Variants in ZNF782 observed in about 807,000 individuals in gnomAD.
ZNF782 encodes the protein zinc finger protein 782.
In ZNF782, 12 loss-of-function variants were observed where a neutral mutation model predicts 13.0. That is an observed-to-expected ratio of 0.92 (90% CI 0.59 to 1.50). The LOEUF is 1.50. Among genes scored for constraint, ZNF782 ranks in the 40% most tolerant of loss-of-function variants. The pLI, the probability that ZNF782 is intolerant of heterozygous loss-of-function variation, is 0.00. For synonymous variants in ZNF782, 284 were observed against 283.0 expected (o/e 1.00, Z -0.04); for missense variants, 770 against 822.9 (o/e 0.94, Z 0.79).
intron 1 of ZNF782, among the ~76,000 whole-genome samples, chr9:96,853,671 CTGAG>C (rs1369550579): frequency 6.6e-6 from 1 of 152,204 alleles, no homozygotes; most frequent in East Asian, 1.9e-4. Flanking sequence ...CATCCACTCC[CTGAG>C]TATTTGGGGA....
chr9:96,902,421 C>CAA, the ZNF782 span, among the ~76,000 whole-genome samples: 259 of 69,848 alleles, frequency 3.7e-3, 12 homozygotes, highest in East Asian at 0.044. Flanking sequence ...ATCTCCATCT[C>CAA]AAAAAAAAAA....
the ZNF782 span, among the ~76,000 whole-genome samples, chr9:96,925,845 G>A: frequency 6.7e-6 from 1 of 148,796 alleles, no homozygotes; most frequent in Non-Finnish European, 1.5e-5. Flanking sequence ...GCATGGAGCC[G>A]CCATTCCTCT....
At chr9:96,931,676 G>C in the ZNF782 span, 1 of 1,607,396 alleles carries the variant, frequency 6.2e-7, no homozygotes, top group Non-Finnish European at 8.5e-7. Context: ...GACTAGAGTG[G>C]ACCTGGAGAC....
At chr9:96,920,559 C>T in the ZNF782 span, among the ~76,000 whole-genome samples, 1 of 149,022 alleles carries the variant, frequency 6.7e-6, no homozygotes, top group African/African-American at 2.4e-5. Flanking sequence ...AGCCACCGCG[C>T]CCAGCCCAAA....
rs767408699 is a variant in ZNF782 at position 96,865,054 on chromosome 9, T to TA, written c.-456-3452dup. On this transcript the variant is annotated intron_variant, in intron 1 of 5. Coordinates refer to the ZNF782 transcript ENST00000498811. Reference sequence around the variant, plus strand: ...GAGCAAGACCCTGTCTCTTAAAATTTAAAAAAAAAATGAGAAAACACCTTT... The same window carrying TA: ...GAGCAAGACCCTGTCTCTTAAAATTTAAAAAAAAAAATGAGAAAACACCTTT... Among the ~76,000 whole-genome samples the TA allele has an allele frequency of 5.9e-4, 88 of 149,220 alleles. 1 individual carries two copies. The highest frequency in any genetic ancestry group is 3.5e-3 in the Middle Eastern group (1 of 288).
intron 1 of ZNF782, among the ~76,000 whole-genome samples, chr9:96,862,232 G>C (rs1588174663): frequency 6.6e-6 from 1 of 152,164 alleles, no homozygotes; most frequent in African/African-American, 2.4e-5. Flanking sequence ...GGTAGTATGG[G>C]GGATGGGGGG....
At chr9:96,933,662 G>C in the ZNF782 span, 1 of 152,392 alleles carries the variant, frequency 6.6e-6, no homozygotes, top group East Asian at 1.9e-4. Flanking sequence ...GTGAGCCACC[G>C]CACCCACCCT....
At position 96,850,731 on chromosome 9, in the gene ZNF782, T is replaced by G. The variant is rs1426827575; in HGVS notation, c.15+1216A>C. Reference sequence around the variant, plus strand: ...TTTATTATGATTATTTTAGTCTTGCTCTTTCATTTTAGTTAAGGCCTGTCT... The same window carrying G: ...TTTATTATGATTATTTTAGTCTTGCGCTTTCATTTTAGTTAAGGCCTGTCT... On this transcript the variant is annotated intron_variant, in intron 3 of 5. Coordinates refer to ENST00000481138, the MANE Select transcript of ZNF782 (RefSeq NM_001001662.3). The surrounding 1 kb of genome is among the most constrained non-coding windows in gnomAD (Gnocchi z 4.3). Among the ~76,000 whole-genome samples the G allele has an allele frequency of 1.3e-5, 2 of 152,228 alleles. No individual in the cohort carries two copies. Among genetic ancestry groups the G allele is most frequent in the Non-Finnish European group, 2.9e-5 (2 of 68,040 alleles).
At chr9:96,864,222 A>C (rs1851734000) in intron 1 of ZNF782, among the ~76,000 whole-genome samples, 1 of 151,396 alleles carries the variant, frequency 6.6e-6, no homozygotes. Context: ...AGCCATTTAA[A>C]AAACAACAAA....
chr9:96,880,376 C>A (rs75785837), upstream of ZNF782, among the ~76,000 whole-genome samples: 1,371 of 152,326 alleles, frequency 9.0e-3, 26 homozygotes, highest in African/African-American at 0.031. Flanking sequence ...AGGGGAAAAG[C>A]ATTGAGACTT....
chr9:96,864,996 G>A lies in ZNF782; in HGVS notation c.-456-3393C>T, dbSNP rs760099688. Among the ~76,000 whole-genome samples, 163 of 151,922 alleles carry A rather than the reference G, an allele frequency of 1.1e-3. 1 individual carries two copies. The highest frequency in any genetic ancestry group is 2.2e-3 in the Non-Finnish European group (152 of 67,976). Reference sequence around the variant, plus strand: ...GGGAGTTTGAGTCTGCTGTGAGCTAGGATCATGCCACTGCACTTTAGCCTG... The same window carrying A: ...GGGAGTTTGAGTCTGCTGTGAGCTAAGATCATGCCACTGCACTTTAGCCTG... On this transcript the variant is annotated intron_variant, in intron 1 of 5. Transcript: ENST00000498811.
In ZNF782 at chr9:96,817,333, T is replaced by A. The variant is rs1850203240; in HGVS notation, c.*590A>T. The A allele has an allele frequency of 6.6e-6, 1 of 152,242 alleles. No individual in the cohort carries two copies. The highest frequency in any genetic ancestry group is 1.5e-5 in the Non-Finnish European group (1 of 68,072). The allele number at this position is 152,242 out of a possible 1,614,324, so 9.4% of individuals were successfully genotyped here. On this transcript the variant is annotated 3_prime_UTR_variant, in exon 6 of 6. Coordinates refer to ENST00000481138, the MANE Select transcript of ZNF782 (RefSeq NM_001001662.3). ...GTGAAAATGATTACTAGTGAACATT[T>A]CAATAGTTATTATACGACATATAGG...
the ZNF782 span, among the ~76,000 whole-genome samples, chr9:96,885,517 G>T: frequency 6.6e-6 from 1 of 151,992 alleles, no homozygotes; most frequent in African/African-American, 2.4e-5. Context: ...TAACTAAAGG[G>T]TTAACATTTG....
chr9:96,845,798 C>A (rs1851326600), intron 3 of ZNF782, among the ~76,000 whole-genome samples: 1 of 152,128 alleles, frequency 6.6e-6, no homozygotes, highest in African/African-American at 2.4e-5. Flanking sequence ...CTGAGGAAAA[C>A]TTCACTGACC....
the ZNF782 span, among the ~76,000 whole-genome samples, chr9:96,927,488 T>C: frequency 6.6e-6 from 1 of 152,124 alleles, no homozygotes; most frequent in African/African-American, 2.4e-5. Flanking sequence ...TATTGTTTTC[T>C]GCAATGGTTG....
chr9:96,868,153 T>G (rs1851781481), intron 1 of ZNF782, among the ~76,000 whole-genome samples: 1 of 152,260 alleles, frequency 6.6e-6, no homozygotes, highest in Non-Finnish European at 1.5e-5. Context: ...GATTTACTTA[T>G]GTGCATTTTT....
chr9:96,925,656 C>G, the ZNF782 span, among the ~76,000 whole-genome samples: 2 of 148,038 alleles, frequency 1.4e-5, no homozygotes, highest in African/African-American at 2.5e-5. Flanking sequence ...AAAACTGGTA[C>G]AGAAGCAACT....
chr9:96,828,802 G>A (rs1312096274), intron 4 of ZNF782, among the ~76,000 whole-genome samples: 1 of 152,042 alleles, frequency 6.6e-6, no homozygotes, highest in African/African-American at 2.4e-5. Flanking sequence ...TAATTTTAAT[G>A]ACCTATATAA....
chr9:96,881,990 T>A, the ZNF782 span, among the ~76,000 whole-genome samples: 1 of 13,224 alleles, frequency 7.6e-5, no homozygotes, highest in African/African-American at 1.7e-4. Flanking sequence ...GAAGTATGAG[T>A]GTGTGTGTGT....
Sources: allele counts gnomAD v4.1 joint callset (sites outside exome capture counted in the v4.1 genomes callset), GRCh38; gene constraint gnomAD v4.1.1; non-coding constraint Gnocchi (gnomAD v3.1); transcripts MANE v1.5; gene names NCBI Gene and HGNC (gene_info 2026-07-23, HGNC 2026-07-21).